Variants in PIK3C2A observed in about 807,000 individuals in gnomAD.
PIK3C2A encodes the protein phosphatidylinositol 4-phosphate 3-kinase C2 domain-containing subunit alpha.
A neutral mutation model predicts 204.5 loss-of-function variants in PIK3C2A; 97 were observed. The observed-to-expected ratio is 0.47, with a 90% CI of 0.40 to 0.56. The LOEUF is 0.56. Ranked by LOEUF, PIK3C2A falls within the 20% of genes least tolerant of loss-of-function variation. The pLI, the probability that PIK3C2A is intolerant of heterozygous loss-of-function variation, is 0.00. For synonymous variants in PIK3C2A, 653 were observed against 664.4 expected (o/e 0.98, Z 0.26); for missense variants, 1,735 against 1,969.2 (o/e 0.88, Z 2.25).
chr11:17,116,671 G>GCTC (rs762152716), intron 19 of PIK3C2A, among the ~76,000 whole-genome samples: 4 of 151,594 alleles, frequency 2.6e-5, no homozygotes, highest in Non-Finnish European at 5.9e-5. Context: ...TTCACTGCAA[G>GCTC]CTCCGCCTCC....
intron 8 of PIK3C2A, 49 bp from the exon 9 acceptor site, chr11:17,136,674 ACCAATT>A: frequency 9.3e-7 from 1 of 1,076,556 alleles, no homozygotes; most frequent in South Asian, 1.5e-5. Flanking sequence ...AATTTAAAGG[ACCAATT>A]CCAGAGACGA....
chr11:17,119,982 T>C lies in PIK3C2A; in HGVS notation c.2658-8A>G, dbSNP rs751020911. ...TTATCTTCTTTAGAAAGTCTGCATA[T>C]ATAATAGAATTAAATTACTTCTCAG... is the stretch of plus-strand genomic sequence containing the variant. On this transcript the variant is annotated splice_region_variant and splice_polypyrimidine_tract_variant and intron_variant, in intron 15 of 32. Transcript: ENST00000691414. The C allele has an allele frequency of 4.6e-6, 6 of 1,297,364 alleles. No homozygotes were observed. The highest frequency in any genetic ancestry group is 2.2e-5 in the Admixed American group (1 of 46,218). The allele number at this position is 1,297,364 out of a possible 1,614,324, so 80.4% of individuals were successfully genotyped here.
intron 21 of PIK3C2A, among the ~76,000 whole-genome samples, chr11:17,111,430 C>A (rs907374249): frequency 3.9e-5 from 6 of 152,044 alleles, no homozygotes; most frequent in African/African-American, 1.5e-4. Flanking sequence ...AAAAAATTAA[C>A]CCCCCAAAAT....
At chr11:17,095,590 CAAAAAAAT>C (rs796589851) in intron 27 of PIK3C2A, among the ~76,000 whole-genome samples, 16 of 144,086 alleles carry the variant, frequency 1.1e-4, no homozygotes, top group African/African-American at 2.8e-4. Context: ...GACTCCGTCT[CAAAAAAAT>C]AAAAAAATAA....
chr11:17,198,042 A>C (rs2137573355), intron 1 of PIK3C2A, among the ~76,000 whole-genome samples: 1 of 152,298 alleles, frequency 6.6e-6, no homozygotes, highest in East Asian at 1.9e-4. Flanking sequence ...GTTTTATATA[A>C]CAGTGATAGC....
chr11:17,108,957 G>C (rs890013893), intron 22 of PIK3C2A, among the ~76,000 whole-genome samples: 18 of 152,152 alleles, frequency 1.2e-4, no homozygotes, highest in African/African-American at 4.3e-4. Flanking sequence ...TCTCTGAACA[G>C]AACTGGAACC....
At chr11:17,203,875 A>G (rs1394432975) in intron 1 of PIK3C2A, among the ~76,000 whole-genome samples, 2 of 152,152 alleles carry the variant, frequency 1.3e-5, no homozygotes, top group East Asian at 3.9e-4. Flanking sequence ...GATTGAGACC[A>G]TCCTGGCTAA....
chr11:17,115,708 T>C (rs1453566036), intron 19 of PIK3C2A: 1 of 152,122 alleles, frequency 6.6e-6, no homozygotes, highest in Non-Finnish European at 1.5e-5. Flanking sequence ...GTAGGGGGCA[T>C]GCTAATCTTC....
intron 15 of PIK3C2A, 51 bp from the exon 16 acceptor site, chr11:17,120,025 A>T: frequency 1.4e-6 from 1 of 730,024 alleles, no homozygotes; most frequent in Non-Finnish European, 2.1e-6. Flanking sequence ...ATAATGATAT[A>T]ATCTCAATGA....
chr11:17,166,643 A>G (rs1291937656), intron 2 of PIK3C2A, among the ~76,000 whole-genome samples: 1 of 152,202 alleles, frequency 6.6e-6, no homozygotes, highest in African/African-American at 2.4e-5. Flanking sequence ...GCAAGGCTTG[A>G]GCCTAAGCGC....
At chr11:17,203,685 GGTT>G (rs1238309670) in intron 1 of PIK3C2A, among the ~76,000 whole-genome samples, 2 of 151,998 alleles carry the variant, frequency 1.3e-5, no homozygotes, top group African/African-American at 4.8e-5. Flanking sequence ...TTGTGGTGGT[GGTT>G]GTTTTTTGAG....
chr11:17,136,633 A>C lies in PIK3C2A; in HGVS notation c.1705-8T>G. 2 of 1,491,088 alleles carry C rather than the reference A, an allele frequency of 1.3e-6. No homozygotes were observed. The highest frequency in any genetic ancestry group is 1.8e-6 in the Non-Finnish European group (2 of 1,101,654). 92.4% of individuals were successfully genotyped at this position (1,491,088 alleles called of 1,614,324 possible). On this transcript the variant is annotated splice_polypyrimidine_tract_variant and splice_region_variant and intron_variant, in intron 8 of 32. Coordinates refer to ENST00000691414, the MANE Select transcript of PIK3C2A (RefSeq NM_002645.4). ...TACTGCTCGGTGTTGGTTCTTTAAA[A>C]ATAAAAAATAAAATAAAAATAGGTA...
Position 17,108,153 on chromosome 11 carries a change from T to C in PIK3C2A, c.3544+2279A>G, listed in dbSNP as rs1848890739. 5.3e-5 allele frequency among the ~76,000 whole-genome samples: 8 copies of C among 152,366 alleles called. No individual in the cohort carries two copies. In the South Asian group the frequency reaches 1.7e-3, roughly 32 times the overall value. ...TCCCAAAGTGCTGGGATTACAGGCA[T>C]GAGCCACTGCGCCCAGCCTCTGCTA... On this transcript the variant is annotated intron_variant, in intron 22 of 32. Coordinates refer to ENST00000691414, the MANE Select transcript of PIK3C2A (RefSeq NM_002645.4).
chr11:17,100,261 G>GGGC (rs1848587486), intron 25 of PIK3C2A, among the ~76,000 whole-genome samples: 1 of 78,800 alleles, frequency 1.3e-5, no homozygotes, highest in Non-Finnish European at 2.5e-5. Context: ...GGGGGGGGGG[G>GGGC]CAGGGAGCCG....
intron 9 of PIK3C2A, 78 bp from the exon 10 acceptor site, chr11:17,135,237 A>G: frequency 6.9e-7 from 1 of 1,439,638 alleles, no homozygotes; most frequent in Non-Finnish European, 9.7e-7. Flanking sequence ...TATGTCCAAG[A>G]AACTCTTTCC....
chr11:17,091,929 C>T (rs1848320579), intron 30 of PIK3C2A, 67 bp downstream of exon 30: 1 of 975,722 alleles, frequency 1.0e-6, no homozygotes, highest in African/African-American at 1.6e-5. Context: ...CATTCTACCA[C>T]ATTCATCGAG....
chr11:17,204,948 C>T (rs535071030), intron 1 of PIK3C2A, among the ~76,000 whole-genome samples: 36 of 151,956 alleles, frequency 2.4e-4, no homozygotes, highest in Non-Finnish European at 4.4e-4. Context: ...GAGGGCGAGG[C>T]GGGCGGATCA....
At chr11:17,178,464 C>A (rs922127063) in intron 1 of PIK3C2A, among the ~76,000 whole-genome samples, 5 of 152,140 alleles carry the variant, frequency 3.3e-5, no homozygotes, top group African/African-American at 1.2e-4. Context: ...TCATCTCTTT[C>A]CATACGCCAA....
rs193225189 is a variant in PIK3C2A, at chr11:17,195,701, C to T, written c.-66+12147G>A. On this transcript the variant is annotated intron_variant, in intron 1 of 32. Transcript: ENST00000691414. ...GAGGTTGCAGTGAGCCAATATCATGCCACTGCACTCCAGCCTGGGAGACAG... is the reference window on the plus strand; with the variant it reads ...GAGGTTGCAGTGAGCCAATATCATGTCACTGCACTCCAGCCTGGGAGACAG... Among the ~76,000 whole-genome samples, 1,212 of 151,504 alleles carry T rather than the reference C, an allele frequency of 8.0e-3. 5 individuals carry two copies. Among genetic ancestry groups the T allele is most frequent in the Non-Finnish European group, 0.013 (860 of 67,876 alleles).
Sources: allele counts gnomAD v4.1 joint callset (sites outside exome capture counted in the v4.1 genomes callset), GRCh38; gene constraint gnomAD v4.1.1; transcripts MANE v1.5; gene names NCBI Gene and HGNC (gene_info 2026-07-23, HGNC 2026-07-21).